Variants in MLIP observed in about 807,000 individuals in gnomAD.
MLIP encodes the protein muscular LMNA interacting protein.
In MLIP, 79 loss-of-function variants were observed where a neutral mutation model predicts 84.8. The observed-to-expected ratio is 0.93, with a 90% CI of 0.78 to 1.12. The LOEUF (loss-of-function observed/expected upper bound fraction) is 1.12, where lower values mean the gene tolerates loss of function less well. Ranked by LOEUF, MLIP falls within the 50% of genes most tolerant of loss-of-function variation. The pLI, the probability that MLIP is intolerant of heterozygous loss-of-function variation, is 0.00. For missense variants in MLIP, 1,257 were observed against 1,160.6 expected (o/e 1.08, Z -1.21); for synonymous variants, 504 against 463.0 (o/e 1.09, Z -1.14).
chr6:54,230,678 C>G, intron 11 of MLIP, 36 bp from the exon 12 acceptor site: 2 of 1,600,440 alleles, frequency 1.2e-6, no homozygotes, highest in Non-Finnish European at 1.7e-6. Context: ...CTTTTTTATG[C>G]TAACATCCTC....
intron 10 of MLIP, among the ~76,000 whole-genome samples, chr6:54,199,556 T>C (rs1172605285): frequency 6.6e-6 from 1 of 152,142 alleles, no homozygotes; most frequent in East Asian, 1.9e-4. Flanking sequence ...GAGGCTACCA[T>C]GCAGATGACT....
At chr6:54,177,140 G>A (rs1776371660) in intron 9 of MLIP, among the ~76,000 whole-genome samples, 1 of 152,054 alleles carries the variant, frequency 6.6e-6, no homozygotes, top group South Asian at 2.1e-4. Context: ...ACTGGCACAG[G>A]CAAAGATTTC....
At chr6:54,158,707 TA>T (rs543901696) in intron 5 of MLIP, among the ~76,000 whole-genome samples, 6 of 151,838 alleles carry the variant, frequency 4.0e-5, no homozygotes, top group African/African-American at 9.7e-5. Flanking sequence ...GCTGAGCTCA[TA>T]AAAAAAAGTG....
intron 1 of MLIP, among the ~76,000 whole-genome samples, chr6:54,040,148 C>A (rs944513466): frequency 6.6e-6 from 1 of 151,854 alleles, no homozygotes; most frequent in Non-Finnish European, 1.5e-5. Flanking sequence ...ATTAAAATAT[C>A]CTTTGAGCAT....
chr6:54,137,776 C>T lies in MLIP; in HGVS notation c.1707C>T (p.Asp569=), dbSNP rs1188804640. 1.3e-6 allele frequency: 2 copies of T among 1,536,074 alleles called. No individual in the cohort carries two copies. Among genetic ancestry groups the T allele is most frequent in the South Asian group, 2.4e-5 (2 of 84,056 alleles). Residue 569 remains aspartate (D), a synonymous_variant, in exon 4 of 14, where the codon GAC becomes GAT. Coordinates refer to ENST00000502396, the MANE Select transcript of MLIP (RefSeq NM_001281747.2). ...LSSLKSKQDG[D]LRGPENPRNI... The stretch of plus-strand genomic sequence containing the variant: ...CTTTGAAGAGTAAACAGGATGGTGA[C>T]CTCAGGGGTCCAGAAAACCCCAGAA...
intron 11 of MLIP, chr6:54,217,013 A>T (rs1427847625): frequency 6.1e-6 from 6 of 985,310 alleles, no homozygotes; most frequent in Non-Finnish European, 7.2e-6. Flanking sequence ...TCTGATTTTA[A>T]ACTGCTGTAA....
intron 11 of MLIP, among the ~76,000 whole-genome samples, chr6:54,221,817 A>G (rs888306762): frequency 5.3e-5 from 8 of 152,094 alleles, no homozygotes. Context: ...TCTTTTTAAT[A>G]TCTGTGGAAC....
chr6:54,072,158 A>G (rs1561907805), intron 1 of MLIP, among the ~76,000 whole-genome samples: 1 of 152,296 alleles, frequency 6.6e-6, no homozygotes, highest in East Asian at 1.9e-4. Context: ...CCACTGACTC[A>G]GCTGGTCTGA....
At chr6:54,191,214 A>T (rs16884943) in intron 10 of MLIP, among the ~76,000 whole-genome samples, 9,257 of 152,266 alleles carry the variant, frequency 0.061, 474 homozygotes, top group East Asian at 0.21. Context: ...TTAACTGATA[A>T]TCCCCTTTTA....
chr6:54,250,020 C>T (rs1418438123), intron 12 of MLIP, among the ~76,000 whole-genome samples: 1 of 151,946 alleles, frequency 6.6e-6, no homozygotes, highest in Non-Finnish European at 1.5e-5. Context: ...TCATTTAGCT[C>T]CCACTTACAA....
intron 9 of MLIP, among the ~76,000 whole-genome samples, chr6:54,171,080 A>G (rs1449499198): frequency 6.6e-6 from 1 of 151,528 alleles, no homozygotes; most frequent in Non-Finnish European, 1.5e-5. Context: ...ATAGGTTCAA[A>G]GGGTTGATGT....
chr6:54,141,329 A>G (rs1772285184), intron 4 of MLIP, among the ~76,000 whole-genome samples: 1 of 52,404 alleles, frequency 1.9e-5, no homozygotes, highest in African/African-American at 2.1e-4. Context: ...TTTTTTTGAG[A>G]CACGTCCCAC....
At chr6:54,131,949 T>C (rs1339588716) in intron 3 of MLIP, among the ~76,000 whole-genome samples, 1 of 152,188 alleles carries the variant, frequency 6.6e-6, no homozygotes, top group Non-Finnish European at 1.5e-5. Context: ...GGTGGCTGGT[T>C]AGCTGTCTGG....
chr6:54,034,810 A>C (rs7766702), intron 1 of MLIP, among the ~76,000 whole-genome samples: 15,016 of 152,182 alleles, frequency 0.099, 868 homozygotes, highest in Admixed American at 0.21. Context: ...GTGTAGAGTA[A>C]TGTCCTAGGC....
intron 12 of MLIP, among the ~76,000 whole-genome samples, chr6:54,251,884 A>T (rs1782569923): frequency 1.2e-5 from 1 of 81,244 alleles, no homozygotes; most frequent in Non-Finnish European, 1.9e-5. Context: ...CATATAATAT[A>T]TAATATAAAT....
At chr6:54,090,899 T>C (rs1255898107) in intron 1 of MLIP, among the ~76,000 whole-genome samples, 2 of 152,192 alleles carry the variant, frequency 1.3e-5, no homozygotes, top group African/African-American at 2.4e-5. Flanking sequence ...AAGTCAACTG[T>C]ACAGACCAAA....
chr6:54,204,777 T>C (rs1016804552), intron 11 of MLIP, among the ~76,000 whole-genome samples: 16 of 152,234 alleles, frequency 1.1e-4, no homozygotes, highest in Non-Finnish European at 2.1e-4. Flanking sequence ...ACAACATAAA[T>C]CTATTTATTT....
Position 54,066,848 on chromosome 6 carries a change from A to G in MLIP, c.63+47757A>G, listed in dbSNP as rs1766246423. 2.0e-5 allele frequency among the ~76,000 whole-genome samples: 2 copies of G among 99,270 alleles called. 1 individual carries two copies. The highest frequency in any genetic ancestry group is 5.8e-5 in the Non-Finnish European group (2 of 34,602). The allele number at this position is 99,270 out of a possible 152,430, so 65.1% of individuals were successfully genotyped here. ...GAAGATAACACATGACCACAAATCA[A>G]TGAAATACTAACTAGGAAGTGATGT... On this transcript the variant is annotated intron_variant, in intron 1 of 12. Coordinates refer to the MLIP transcript ENST00000274897.
intron 9 of MLIP, among the ~76,000 whole-genome samples, chr6:54,187,103 C>G (rs1427828980): frequency 1.3e-5 from 2 of 152,168 alleles, no homozygotes; most frequent in Non-Finnish European, 2.9e-5. Flanking sequence ...GACTCCAAAC[C>G]TATGACAGTG....
Sources: allele counts gnomAD v4.1 joint callset (sites outside exome capture counted in the v4.1 genomes callset), GRCh38; gene constraint gnomAD v4.1.1; transcripts MANE v1.5; gene names NCBI Gene and HGNC (gene_info 2026-07-23, HGNC 2026-07-21).